Variants in UBAC2 observed in about 807,000 individuals in gnomAD.
UBAC2 encodes the protein UBA domain containing 2, also known as ubiquitin-associated domain-containing protein 2.
Under a neutral mutation model 44.0 loss-of-function variants are expected in UBAC2, and 26 were observed. The ratio of observed to expected loss-of-function variants is 0.59; its 90% CI spans 0.43 to 0.82. The LOEUF (loss-of-function observed/expected upper bound fraction) is 0.82, where lower values mean the gene tolerates loss of function less well. Among genes scored for constraint, UBAC2 ranks in the 40% least tolerant of loss-of-function variants. The pLI, the probability that UBAC2 is intolerant of heterozygous loss-of-function variation, is 0.00. For synonymous variants in UBAC2, 155 were observed against 154.3 expected, an observed-to-expected ratio of 1.00 and a Z score of -0.04; for missense variants, 329 against 419.4, an observed-to-expected ratio of 0.78 and a Z score of 1.88.
At chr13:99,303,250 T>C (rs2044282465) in intron 4 of UBAC2, among the ~76,000 whole-genome samples, 1 of 152,244 alleles carries the variant, frequency 6.6e-6, no homozygotes, top group African/African-American at 2.4e-5. Flanking sequence ...AGCAGTCTAC[T>C]GTTTCCTCTT....
intron 8 of UBAC2, among the ~76,000 whole-genome samples, chr13:99,381,753 C>G (rs57922081): frequency 0.015 from 2,224 of 152,298 alleles, 57 homozygotes; most frequent in African/African-American, 0.051. Flanking sequence ...CCCTGCACAA[C>G]CTGATGGAGG....
chr13:99,215,164 C>T (rs1170592981), intron 1 of UBAC2, among the ~76,000 whole-genome samples: 1 of 152,148 alleles, frequency 6.6e-6, no homozygotes, highest in African/African-American at 2.4e-5. Flanking sequence ...TCAATAGCTT[C>T]CTTGAAGCCA....
At chr13:99,350,665 G>C (rs2045070948) in intron 7 of UBAC2, among the ~76,000 whole-genome samples, 1 of 152,170 alleles carries the variant, frequency 6.6e-6, no homozygotes, top group African/African-American at 2.4e-5. Flanking sequence ...CTAATAAATG[G>C]GTAGATGTCA....
At chr13:99,288,917 A>G (rs1000803249) in intron 4 of UBAC2, among the ~76,000 whole-genome samples, 1 of 152,236 alleles carries the variant, frequency 6.6e-6, no homozygotes, top group Admixed American at 6.5e-5. Context: ...GCCCAGTGCT[A>G]TCCAGAATAG....
chr13:99,366,467 C>T (rs2045332120), intron 7 of UBAC2, among the ~76,000 whole-genome samples: 1 of 152,092 alleles, frequency 6.6e-6, no homozygotes, highest in Non-Finnish European at 1.5e-5. Flanking sequence ...ATCTCCATCC[C>T]AAAACCAATC....
intron 4 of UBAC2, among the ~76,000 whole-genome samples, chr13:99,270,881 G>A (rs1197227367): frequency 1.3e-5 from 2 of 152,184 alleles, no homozygotes; most frequent in Non-Finnish European, 2.9e-5. Flanking sequence ...GTATAAAGTA[G>A]CCACTTAGTA....
rs781475866 is a variant in UBAC2 at position 99,244,550 on chromosome 13, A to G, written c.315A>G (p.Leu105=). Residue 105 remains leucine, a synonymous_variant, in exon 4 of 9, where the codon TTA becomes TTG. Coordinates refer to ENST00000403766, the MANE Select transcript of UBAC2 (RefSeq NM_001144072.2). ...TGGGTTCCTGGGTTTTGTCAGCCTT[A>G]TTTGACTTTCTCCTCATTGAAGCTA... The part of the protein sequence containing the change: ...FLLGSWVLSA[L]FDFLLIEAMQ... 2 of 1,613,320 alleles carry G rather than the reference A, an allele frequency of 1.2e-6. No homozygotes were observed. The highest frequency in any genetic ancestry group is 1.1e-5 in the South Asian group (1 of 91,062).
chr13:99,244,534 G>A lies in UBAC2; in HGVS notation c.299G>A (p.Trp100Ter). The change falls in exon 4 of 9, where the codon TGG becomes TAG. Residue 100 changes from tryptophan to a stop codon, truncating the protein, a stop_gained. Coordinates refer to ENST00000403766, the MANE Select transcript of UBAC2 (RefSeq NM_001144072.2). LOFTEE classifies it high-confidence loss of function. ...RKFASFLLGSWVLSALFDFLL... is the reference protein window; with the variant it reads ...RKFASFLLGS ...TTGTAGTCCTTTTTGCTGGGTTCCT[G>A]GGTTTTGTCAGCCTTATTTGACTTT... 4 of 1,612,996 alleles carry A rather than the reference G, an allele frequency of 2.5e-6. No homozygotes were observed. Among genetic ancestry groups the A allele is most frequent in the Non-Finnish European group, 3.4e-6 (4 of 1,179,364 alleles).
intron 8 of UBAC2, among the ~76,000 whole-genome samples, chr13:99,368,608 A>G (rs2045362263): frequency 6.6e-6 from 1 of 152,242 alleles, no homozygotes; most frequent in South Asian, 2.1e-4. Context: ...AGGAAAATAA[A>G]TATATAAAGC....
chr13:99,285,907 G>T (rs537696548), intron 4 of UBAC2, among the ~76,000 whole-genome samples: 1 of 152,212 alleles, frequency 6.6e-6, no homozygotes, highest in East Asian at 1.9e-4. Context: ...ATCCAACGGG[G>T]TGCCAGAGTT....
At chr13:99,380,265 C>T (rs560477714) in intron 8 of UBAC2, among the ~76,000 whole-genome samples, 5 of 152,272 alleles carry the variant, frequency 3.3e-5, no homozygotes, top group South Asian at 4.1e-4. Flanking sequence ...TGCACGTCTG[C>T]GCAGGCCTCA....
intron 7 of UBAC2, among the ~76,000 whole-genome samples, chr13:99,349,872 C>G (rs1305648531): frequency 6.6e-6 from 1 of 152,080 alleles, no homozygotes; most frequent in African/African-American, 2.4e-5. Flanking sequence ...ATCCAGCCTC[C>G]CACAAGAAGG....
intron 7 of UBAC2, among the ~76,000 whole-genome samples, chr13:99,346,636 A>T (rs892082508): frequency 6.6e-6 from 1 of 151,592 alleles, no homozygotes; most frequent in African/African-American, 2.4e-5. Context: ...CCACATACAC[A>T]TCATTTTCAC....
At chr13:99,307,601 C>G (rs977436829) in intron 4 of UBAC2, among the ~76,000 whole-genome samples, 2 of 151,268 alleles carry the variant, frequency 1.3e-5, no homozygotes. Flanking sequence ...ATCCAAAAGC[C>G]CCTTGGAATT....
rs59722139 is a variant in UBAC2, at chr13:99,254,964, G to A, written c.389+10340G>A. 2.0e-3 allele frequency: 3,255 copies of A among 1,614,002 alleles called. 66 individuals carry two copies. The African/African-American group carries it at 0.04, about 20-fold the overall frequency. ...TGCGCATGCTTCGAAGGTAATTACGGTATAGCATGACACTAATGACTCGAG... is the reference window on the plus strand; with the variant it reads ...TGCGCATGCTTCGAAGGTAATTACGATATAGCATGACACTAATGACTCGAG... On this transcript the variant is annotated intron_variant, in intron 4 of 8. Transcript: ENST00000403766.
intron 7 of UBAC2, among the ~76,000 whole-genome samples, chr13:99,357,023 G>T (rs751963137): frequency 6.6e-6 from 1 of 152,160 alleles, no homozygotes; most frequent in African/African-American, 2.4e-5. Context: ...GCTCACTCTT[G>T]TAGTCATGCA....
At chr13:99,239,038 G>T (rs1338417150) in intron 2 of UBAC2, among the ~76,000 whole-genome samples, 1 of 152,190 alleles carries the variant, frequency 6.6e-6, no homozygotes, top group Non-Finnish European at 1.5e-5. Flanking sequence ...TGCTTTTCAA[G>T]GTTTCTGGAC....
At chr13:99,257,691 T>G (rs149387371) in intron 4 of UBAC2, among the ~76,000 whole-genome samples, 1 of 152,228 alleles carries the variant, frequency 6.6e-6, no homozygotes, top group African/African-American at 2.4e-5. Flanking sequence ...CATGATTATC[T>G]GTAGCTTTTC....
intron 1 of UBAC2, among the ~76,000 whole-genome samples, chr13:99,217,969 C>T (rs2043016073): frequency 6.6e-6 from 1 of 152,166 alleles, no homozygotes; most frequent in Non-Finnish European, 1.5e-5. Flanking sequence ...CGCATTTCCC[C>T]ACTTGAAAAG....
Sources: gnomAD v4.1 joint callset for allele counts (sites outside exome capture counted in the v4.1 genomes callset) on GRCh38, gnomAD v4.1.1 for gene constraint, MANE v1.5 for transcripts, NCBI Gene and HGNC (gene_info 2026-07-23, HGNC 2026-07-21) for gene names.